Variants in PCDHGB3 observed in about 807,000 individuals in gnomAD.
PCDHGB3 encodes protocadherin gamma subfamily B, 3.
Under a neutral mutation model 59.2 loss-of-function variants are expected in PCDHGB3, and 40 were observed. The observed-to-expected ratio is 0.68, with a 90% CI of 0.52 to 0.88. The LOEUF is 0.88. PCDHGB3 is among the 40% of genes least tolerant of loss of function. The pLI is 0.00. For missense variants in PCDHGB3, 1,309 were observed against 1,187.9 expected, an observed-to-expected ratio of 1.10 and a Z score of -1.50; for synonymous variants, 581 against 503.6, an observed-to-expected ratio of 1.15 and a Z score of -2.06.
rs766460257 is a variant in PCDHGB3, at chr5:141,398,407, G to A, written c.2415+25598G>A. 4.0e-5 allele frequency: 59 copies of A among 1,474,004 alleles called. No homozygotes were observed. The Middle Eastern group carries it at 1.0e-3, about 26-fold the overall frequency. 91.3% of individuals were successfully genotyped at this position (1,474,004 alleles called of 1,614,324 possible). A position where few individuals can be genotyped will look rare whatever the true frequency, so the allele number is the denominator to read the frequency against. On this transcript the variant is annotated intron_variant, in intron 1 of 3. Transcript: ENST00000576222. ...TGTGAGCAGCAGGCTAGACAGGGAG[G>A]AGATATGCGGGAAGAAGCCAGCTTG...
At chr5:141,388,348 G>A in intron 1 of PCDHGB3, 1 of 1,613,974 alleles carries the variant, frequency 6.2e-7, no homozygotes, top group South Asian at 1.1e-5. Flanking sequence ...TTTATATTAG[G>A]ATCTGCCCAT....
In PCDHGB3 at chr5:141,476,087, C is replaced by T. The variant is rs758610836; in HGVS notation, c.2416-18720C>T. The stretch of plus-strand genomic sequence containing the variant: ...AGCGAAATCTCAGGGACGATCTGGA[C>T]CCCGCTGAGAGGAACTGCTTTTGAG... On this transcript the variant is annotated intron_variant, in intron 1 of 3. Coordinates refer to ENST00000576222, the MANE Select transcript of PCDHGB3 (RefSeq NM_018924.5). This position sits in a 1 kb window ranked among gnomAD's most constrained non-coding sequence, Gnocchi z 7.6. 9 of 1,553,656 alleles carry T rather than the reference C, an allele frequency of 5.8e-6. No individual in the cohort carries two copies. The South Asian group carries it at 1.1e-4, about 19-fold the overall frequency.
intron 1 of PCDHGB3, among the ~76,000 whole-genome samples, chr5:141,479,837 G>A (rs563513895): frequency 3.9e-5 from 6 of 152,338 alleles, no homozygotes; most frequent in Non-Finnish European, 8.8e-5. Flanking sequence ...TGGTATCCAT[G>A]CAAGGTGACT....
chr5:141,405,398 C>A, intron 1 of PCDHGB3: 1 of 1,590,262 alleles, frequency 6.3e-7, no homozygotes, highest in Non-Finnish European at 8.6e-7. Flanking sequence ...TTTTTTCTTT[C>A]TTTCTTTTCT....
intron 1 of PCDHGB3, among the ~76,000 whole-genome samples, chr5:141,455,286 T>G (rs889792228): frequency 6.6e-6 from 1 of 152,176 alleles, no homozygotes; most frequent in African/African-American, 2.4e-5. Flanking sequence ...AACATCACTT[T>G]ACATAGTTTC....
intron 2 of PCDHGB3, among the ~76,000 whole-genome samples, chr5:141,502,866 C>CTCTTTTTT (rs1554188502): frequency 2.3e-5 from 3 of 128,046 alleles, no homozygotes; most frequent in Non-Finnish European, 3.2e-5. Flanking sequence ...GACTCTCTGT[C>CTCTTTTTT]TTTTTTTTTT....
chr5:141,485,654 G>A lies in PCDHGB3; in HGVS notation c.2416-9153G>A, dbSNP rs2099617203. 6.2e-7 allele frequency: 1 copy of A among 1,612,482 alleles called. No individual in the cohort carries two copies. The highest frequency in any genetic ancestry group is 8.5e-7 in the Non-Finnish European group (1 of 1,178,842). On this transcript the variant is annotated intron_variant, in intron 1 of 3. Coordinates refer to ENST00000576222, the MANE Select transcript of PCDHGB3 (RefSeq NM_018924.5). The surrounding 1 kb of genome is among the most constrained non-coding windows in gnomAD (Gnocchi z 5.7). ...CCCGTTGGAAAAGGCTCAGGATGCA[G>A]ATGTGGGGAGCAATTCGATTAGCAG... is the stretch of plus-strand genomic sequence containing the variant.
chr5:141,489,636 C>T lies in PCDHGB3; in HGVS notation c.2416-5171C>T. On this transcript the variant is annotated intron_variant, in intron 1 of 3. Coordinates refer to ENST00000576222, the MANE Select transcript of PCDHGB3 (RefSeq NM_018924.5). The surrounding 1 kb of genome is among the most constrained non-coding windows in gnomAD (Gnocchi z 4.5). ...TGGATCTCAATGACAACTCTCCTAG[C>T]TTTGCCACCCCTGAGCGAGAGATGC... 1.2e-6 allele frequency: 2 copies of T among 1,614,190 alleles called. No homozygotes were observed. The highest frequency in any genetic ancestry group is 1.7e-6 in the Non-Finnish European group (2 of 1,180,030).
chr5:141,419,589 C>T (rs1187251820), intron 1 of PCDHGB3: 1 of 1,611,856 alleles, frequency 6.2e-7, no homozygotes, highest in Non-Finnish European at 8.5e-7. Flanking sequence ...CTCTTCGACA[C>T]AGTGCCGCGG....
chr5:141,480,112 C>T (rs531082602), intron 1 of PCDHGB3, among the ~76,000 whole-genome samples: 2 of 152,190 alleles, frequency 1.3e-5, no homozygotes, highest in Admixed American at 1.3e-4. Flanking sequence ...TAGCATGGTG[C>T]CTGGCATATC....
chr5:141,384,924 G>A (rs1467129756), intron 1 of PCDHGB3: 2 of 1,613,840 alleles, frequency 1.2e-6, no homozygotes, highest in African/African-American at 2.7e-5. Flanking sequence ...TGGCCGACCT[G>A]GGCAGCCTTG....
chr5:141,415,113 C>T, intron 1 of PCDHGB3: 1 of 1,613,642 alleles, frequency 6.2e-7, no homozygotes, highest in Middle Eastern at 1.7e-4. Context: ...AGCAAAGCCT[C>T]GTAGTGGCCG....
intron 1 of PCDHGB3, chr5:141,403,457 A>G: frequency 6.2e-7 from 1 of 1,613,982 alleles, no homozygotes; most frequent in Non-Finnish European, 8.5e-7. Context: ...CTCCCTCCAG[A>G]GCTACCAGCT....
intron 1 of PCDHGB3, chr5:141,404,452 T>G (rs1197188094): frequency 2.5e-6 from 4 of 1,613,228 alleles, no homozygotes; most frequent in Non-Finnish European, 3.4e-6. Context: ...AAGGGTCTCC[T>G]CTCTCCACCT....
chr5:141,410,712 T>C (rs776042818), intron 1 of PCDHGB3: 2 of 1,437,800 alleles, frequency 1.4e-6, no homozygotes, highest in Non-Finnish European at 1.9e-6. Context: ...TCTAGAATCA[T>C]ATGTTTAAAA....
intron 1 of PCDHGB3, among the ~76,000 whole-genome samples, chr5:141,465,788 T>A (rs1322471400): frequency 6.6e-6 from 1 of 152,110 alleles, no homozygotes; most frequent in Non-Finnish European, 1.5e-5. Context: ...AGTTTTTTTT[T>A]TTTTAAGAAA....
intron 1 of PCDHGB3, chr5:141,394,876 G>T: frequency 1.2e-6 from 2 of 1,613,866 alleles, no homozygotes; most frequent in Middle Eastern, 1.6e-4. Flanking sequence ...AACGATTCGA[G>T]CCTTACACTC....
intron 1 of PCDHGB3, chr5:141,423,202 G>T: frequency 6.2e-7 from 1 of 1,613,618 alleles, no homozygotes; most frequent in Non-Finnish European, 8.5e-7. Flanking sequence ...CTCGGCCACC[G>T]TCACGCTCAC....
chr5:141,373,769 T>A (rs1466229132), intron 1 of PCDHGB3: 3 of 255,350 alleles, frequency 1.2e-5, no homozygotes, highest in Non-Finnish European at 2.2e-5. Flanking sequence ...ATGAGTGTCA[T>A]CTCTGCAGAT....
Sources: allele counts gnomAD v4.1 joint callset (sites outside exome capture counted in the v4.1 genomes callset), GRCh38; gene constraint gnomAD v4.1.1; non-coding constraint Gnocchi (gnomAD v3.1); transcripts MANE v1.5; gene names NCBI Gene and HGNC (gene_info 2026-07-23, HGNC 2026-07-21).